RIMKLA: variants seen among roughly 807,000 people sequenced by gnomAD.
RIMKLA encodes the protein ribosomal modification protein rimK like family member A, also known as N-acetylaspartylglutamate synthase A.
In RIMKLA, 14 loss-of-function variants were observed where a neutral mutation model predicts 32.7. The observed-to-expected ratio is 0.43, with a 90% CI of 0.28 to 0.67. The LOEUF is 0.67. RIMKLA is among the 30% of genes least tolerant of loss of function. The pLI is 0.18. For missense variants in RIMKLA, 410 were observed against 519.0 expected (o/e 0.79, Z 2.04); for synonymous variants, 176 against 204.1 (o/e 0.86, Z 1.18).
chr1:42,386,463 C>T (rs1472744059), intron 1 of RIMKLA, among the ~76,000 whole-genome samples: 3 of 151,768 alleles, frequency 2.0e-5, no homozygotes, highest in Non-Finnish European at 2.9e-5. Flanking sequence ...CCCATTGTCC[C>T]GAGAAACAAT....
intron 1 of RIMKLA, among the ~76,000 whole-genome samples, chr1:42,387,956 CAGA>C (rs1468467619): frequency 6.6e-6 from 1 of 152,114 alleles, no homozygotes; most frequent in African/African-American, 2.4e-5. Flanking sequence ...GGTCCTCACC[CAGA>C]AGATGATAAT....
rs768565114 is a variant in RIMKLA at position 42,414,935 on chromosome 1, CATTA to C, written c.1139_1142del (p.Ile380ThrfsTer8). The C allele has an allele frequency of 1.2e-6, 2 of 1,613,546 alleles. No individual in the cohort carries two copies. The highest frequency in any genetic ancestry group is 1.7e-4 in the Middle Eastern group (1 of 6,056). ...CCATGCTGCCCGAACCTGGCTACAACATTAACAACAGGATTGCTTCTGAGTTAAA... is the reference window on the plus strand; with the variant it reads ...CCATGCTGCCCGAACCTGGCTACAACACAACAGGATTGCTTCTGAGTTAAA... On this transcript the variant is annotated frameshift_variant, in exon 5 of 5. Transcript: ENST00000431473. LOFTEE classifies it high-confidence loss of function.
chr1:42,388,966 G>A (rs1642974486), intron 1 of RIMKLA, among the ~76,000 whole-genome samples: 1 of 152,178 alleles, frequency 6.6e-6, no homozygotes, highest in Admixed American at 6.5e-5. Flanking sequence ...CAGGTGAGAC[G>A]AGATTGTTGG....
intron 1 of RIMKLA, among the ~76,000 whole-genome samples, chr1:42,397,352 A>G (rs2148388575): frequency 6.6e-6 from 1 of 152,326 alleles, no homozygotes; most frequent in South Asian, 2.1e-4. Flanking sequence ...TTATGTGGTT[A>G]TGCAGTATAA....
chr1:42,393,214 CCTGT>C (rs1376155651), intron 1 of RIMKLA, among the ~76,000 whole-genome samples: 1 of 91,192 alleles, frequency 1.1e-5, no homozygotes, highest in Non-Finnish European at 2.4e-5. Flanking sequence ...GCACTTAAAT[CCTGT>C]CTGAGTGAGC....
chr1:42,385,844 CTCTTTCTTTCTTTCTT>C lies in RIMKLA; in HGVS notation c.163+4786_163+4801del, dbSNP rs1162584737. Among the ~76,000 whole-genome samples the C allele has an allele frequency of 9.1e-3, 520 of 57,076 alleles. 46 individuals are homozygous for C. Among genetic ancestry groups the C allele is most frequent in the South Asian group, 0.026 (43 of 1,648 alleles). The allele number at this position is 57,076 out of a possible 152,430, so 37.4% of individuals were successfully genotyped here. A position where few individuals can be genotyped will look rare whatever the true frequency, so the allele number is the denominator to read the frequency against. On this transcript the variant is annotated intron_variant, in intron 1 of 4. Coordinates refer to ENST00000431473, the MANE Select transcript of RIMKLA (RefSeq NM_173642.4). ...CCTTCCTTCCTTTCTTTCTTTCTTT[CTCTTTCTTTCTTTCTT>C]TCTTTCTTTCTTTCTTTCTTTCTTT...
At chr1:42,410,415 G>A (rs774419250) in intron 4 of RIMKLA, among the ~76,000 whole-genome samples, 13 of 152,126 alleles carry the variant, frequency 8.5e-5, no homozygotes, top group Non-Finnish European at 1.3e-4. Flanking sequence ...AGGACTGAAC[G>A]CTGTCCTCTA....
At chr1:42,409,916 G>C (rs1041017139) in intron 3 of RIMKLA, 68 bp from the exon 4 acceptor site, 1 of 1,224,312 alleles carries the variant, frequency 8.2e-7, no homozygotes, top group Non-Finnish European at 1.2e-6. Flanking sequence ...TGGACAAGGA[G>C]GCCAGATGGC....
chr1:42,393,766 G>A (rs1470076484), intron 1 of RIMKLA, among the ~76,000 whole-genome samples: 1 of 152,152 alleles, frequency 6.6e-6, no homozygotes, highest in African/African-American at 2.4e-5. Context: ...GAAGTGCTAA[G>A]TGGATTATCC....
chr1:42,388,707 G>A (rs556032786), intron 1 of RIMKLA, among the ~76,000 whole-genome samples: 37 of 151,766 alleles, frequency 2.4e-4, no homozygotes, highest in African/African-American at 9.0e-4. Flanking sequence ...TAGTAGAGAT[G>A]GGGTTTCACC....
At chr1:42,386,704 C>T (rs891085917) in intron 1 of RIMKLA, among the ~76,000 whole-genome samples, 26 of 131,760 alleles carry the variant, frequency 2.0e-4, no homozygotes, top group Admixed American at 1.8e-3. Context: ...GGTGAAACCC[C>T]GTCTCTACTA....
chr1:42,398,172 A>G (rs1643063883), intron 1 of RIMKLA, among the ~76,000 whole-genome samples: 1 of 152,330 alleles, frequency 6.6e-6, no homozygotes, highest in South Asian at 2.1e-4. Context: ...AGACAGACAA[A>G]ATAATGCTCT....
intron 3 of RIMKLA, among the ~76,000 whole-genome samples, chr1:42,407,370 A>G (rs1166234153): frequency 6.6e-6 from 1 of 151,826 alleles, no homozygotes; most frequent in Non-Finnish European, 1.5e-5. Context: ...TTGTTTCCAT[A>G]TGCTTTTGAT....
chr1:42,415,094 C>G lies in RIMKLA; in HGVS notation c.*120C>G. 1.1e-5 allele frequency: 13 copies of G among 1,130,644 alleles called. No individual in the cohort carries two copies. Among genetic ancestry groups the G allele is most frequent in the Non-Finnish European group, 1.6e-5 (13 of 802,860 alleles). The allele number at this position is 1,130,644 out of a possible 1,614,324, so 70.0% of individuals were successfully genotyped here. On this transcript the variant is annotated 3_prime_UTR_variant, in exon 5 of 5. Coordinates refer to ENST00000431473, the MANE Select transcript of RIMKLA (RefSeq NM_173642.4). ...AGAAACTAGAAATCCCATCTGGGCA[C>G]TCAGCATTTTTTCTAACGATGATTT... is the stretch of plus-strand genomic sequence containing the variant.
chr1:42,406,353 T>TAG (rs1224833948), intron 3 of RIMKLA, among the ~76,000 whole-genome samples: 1 of 152,208 alleles, frequency 6.6e-6, no homozygotes, highest in Non-Finnish European at 1.5e-5. Flanking sequence ...AGAAGCCTCA[T>TAG]ACCTAGTAGT....
chr1:42,387,988 G>C (rs1360945961), intron 1 of RIMKLA, among the ~76,000 whole-genome samples: 2 of 152,176 alleles, frequency 1.3e-5, no homozygotes, highest in Non-Finnish European at 2.9e-5. Flanking sequence ...AGATCTGAAG[G>C]AGGTAAGGAT....
chr1:42,382,279 G>A (rs535072916), intron 1 of RIMKLA, among the ~76,000 whole-genome samples: 2 of 152,212 alleles, frequency 1.3e-5, no homozygotes, highest in African/African-American at 4.8e-5. Context: ...AGATGCAACC[G>A]GTACCCTCTC....
chr1:42,395,782 C>T (rs1041198118), intron 1 of RIMKLA, among the ~76,000 whole-genome samples: 8 of 152,096 alleles, frequency 5.3e-5, no homozygotes, highest in Admixed American at 1.3e-4. Flanking sequence ...GACCTTTTGC[C>T]GAGGGCCAGC....
In RIMKLA at chr1:42,417,159, T is replaced by C. The variant is rs951254516; in HGVS notation, c.*2185T>C. The C allele has an allele frequency of 6.6e-6, 1 of 152,234 alleles. No homozygotes were observed. The highest frequency in any genetic ancestry group is 1.5e-5 in the Non-Finnish European group (1 of 68,044). 9.4% of individuals were successfully genotyped at this position (152,234 alleles called of 1,614,324 possible). Reference sequence around the variant, plus strand: ...GTGAATCTAGTCTCCCCACTTTATCTAAAAGGAGGCTAGCAGGGCCCCAGC... The same window carrying C: ...GTGAATCTAGTCTCCCCACTTTATCCAAAAGGAGGCTAGCAGGGCCCCAGC... On this transcript the variant is annotated 3_prime_UTR_variant, in exon 5 of 5. Coordinates refer to ENST00000431473, the MANE Select transcript of RIMKLA (RefSeq NM_173642.4).
Sources: gnomAD v4.1 joint callset for allele counts (sites outside exome capture counted in the v4.1 genomes callset) on GRCh38, gnomAD v4.1.1 for gene constraint, MANE v1.5 for transcripts, NCBI Gene and HGNC (gene_info 2026-07-23, HGNC 2026-07-21) for gene names.